CDH8: variants seen among roughly 807,000 people sequenced by gnomAD.
CDH8 encodes cadherin 8.
Under a neutral mutation model 68.1 loss-of-function variants are expected in CDH8, and 17 were observed. That is an observed-to-expected ratio of 0.25 (90% CI 0.17 to 0.37). The LOEUF is 0.37. Among genes scored for constraint, CDH8 ranks in the 10% least tolerant of loss-of-function variants. The pLI is 1.00. For missense variants in CDH8, 763 were observed against 999.3 expected (o/e 0.76, Z 3.19); for synonymous variants, 372 against 365.1 (o/e 1.02, Z -0.21).
intron 10 of CDH8, among the ~76,000 whole-genome samples, chr16:61,706,680 T>C (rs1196555160): frequency 1.4e-5 from 2 of 146,344 alleles, no homozygotes; most frequent in Non-Finnish European, 3.0e-5. Context: ...CCAAAGCATG[T>C]ATAAGGGCAC....
chr16:61,796,340 G>C (rs1961501261), intron 7 of CDH8, among the ~76,000 whole-genome samples: 1 of 151,930 alleles, frequency 6.6e-6, no homozygotes, highest in Non-Finnish European at 1.5e-5. Flanking sequence ...TGGATTTGCT[G>C]CTCATTTGCA....
intron 10 of CDH8, among the ~76,000 whole-genome samples, chr16:61,675,305 T>C (rs1049773012): frequency 2.6e-4 from 40 of 152,064 alleles, no homozygotes; most frequent in African/African-American, 9.2e-4. Flanking sequence ...TGTAGGGACA[T>C]GGATGAAATT....
intron 2 of CDH8, among the ~76,000 whole-genome samples, chr16:61,963,277 C>G (rs1965190494): frequency 6.6e-6 from 1 of 152,150 alleles, no homozygotes; most frequent in South Asian, 2.1e-4. Context: ...TCACCATGAC[C>G]ATCAGTGCAG....
At chr16:62,031,672 C>CCAGAAA (rs1425478976) in intron 1 of CDH8, among the ~76,000 whole-genome samples, 1 of 106,686 alleles carries the variant, frequency 9.4e-6, no homozygotes, top group African/African-American at 4.6e-5. Context: ...ACACACACAC[C>CCAGAAA]CACAAACACA....
chr16:61,918,785 CG>C (rs1421839458), intron 2 of CDH8: 2 of 151,506 alleles, frequency 1.3e-5, no homozygotes, highest in Non-Finnish European at 2.9e-5. Flanking sequence ...ACAAAGCAGC[CG>C]GGAAGCTCCA....
At chr16:61,857,981 C>G (rs1963077933) in intron 3 of CDH8, among the ~76,000 whole-genome samples, 1 of 151,556 alleles carries the variant, frequency 6.6e-6, no homozygotes, top group African/African-American at 2.4e-5. Context: ...AAAGAGCAAC[C>G]AAATCTCTAT....
intron 2 of CDH8, among the ~76,000 whole-genome samples, chr16:61,931,058 T>A (rs1193844874): frequency 1.3e-5 from 2 of 152,212 alleles, no homozygotes; most frequent in Non-Finnish European, 2.9e-5. Context: ...ACTGCAGCAT[T>A]TTCTGTGTAT....
chr16:61,820,710 A>G lies in CDH8; in HGVS notation c.1023+216T>C, dbSNP rs548459941. 2.6e-5 allele frequency among the ~76,000 whole-genome samples: 4 copies of G among 152,034 alleles called. No homozygotes were observed. The East Asian group carries it at 7.8e-4, about 30-fold the overall frequency. ...GGTAAGTTGGAGGACAAGCACTATT[A>G]TGGTAGCTGTTTACTAGACCTTTAG... On this transcript the variant is annotated intron_variant, in intron 6 of 11. Transcript: ENST00000577390.
intron 8 of CDH8, among the ~76,000 whole-genome samples, chr16:61,769,425 C>G (rs1960721842): frequency 6.6e-6 from 1 of 151,832 alleles, no homozygotes; most frequent in South Asian, 2.1e-4. Context: ...AGTACTTTGA[C>G]TAACATTGCA....
chr16:62,019,295 A>G (rs980121987), intron 2 of CDH8, among the ~76,000 whole-genome samples: 1 of 152,234 alleles, frequency 6.6e-6, no homozygotes, highest in African/African-American at 2.4e-5. Context: ...CTAATATGTA[A>G]TAAGGTATAG....
intron 4 of CDH8, among the ~76,000 whole-genome samples, chr16:61,836,991 A>G (rs964343333): frequency 1.3e-5 from 2 of 151,994 alleles, no homozygotes; most frequent in Admixed American, 6.6e-5. Flanking sequence ...CTTTCAAGCC[A>G]ATACCCTCCT....
chr16:61,768,304 G>C (rs1275525823), intron 8 of CDH8, among the ~76,000 whole-genome samples: 6 of 73,734 alleles, frequency 8.1e-5, no homozygotes, highest in Non-Finnish European at 5.8e-5. Flanking sequence ...CTCTCTCTGT[G>C]TCTCTCCCTT....
intron 7 of CDH8, among the ~76,000 whole-genome samples, chr16:61,796,338 C>T (rs1961501199): frequency 1.3e-5 from 2 of 152,020 alleles, no homozygotes; most frequent in African/African-American, 4.8e-5. Context: ...ATTGGATTTG[C>T]TGCTCATTTG....
chr16:61,782,979 G>A (rs1219790183), intron 8 of CDH8, among the ~76,000 whole-genome samples: 1 of 151,236 alleles, frequency 6.6e-6, no homozygotes, highest in African/African-American at 2.4e-5. Flanking sequence ...AAACCACAAA[G>A]ATGGGGAAAA....
At position 61,981,882 on chromosome 16, in the gene CDH8, A is replaced by T. The variant is rs1315213486; in HGVS notation, c.252+39270T>A. On this transcript the variant is annotated intron_variant, in intron 2 of 11. Transcript: ENST00000577390. ...GGTTTTTAAGGTAAAAAGAACAACA[A>T]AATACTTTACAATTCCTTTTTTTCT... is the stretch of plus-strand genomic sequence containing the variant. Among the ~76,000 whole-genome samples the T allele has an allele frequency of 2.6e-5, 4 of 152,168 alleles. No individual in the cohort carries two copies. The East Asian group carries it at 7.7e-4, about 29-fold the overall frequency.
At chr16:61,742,690 T>C in intron 8 of CDH8, among the ~76,000 whole-genome samples, 1 of 152,186 alleles carries the variant, frequency 6.6e-6, no homozygotes, top group East Asian at 1.9e-4. Context: ...TGTAATGTTT[T>C]GGTATATTAG....
At chr16:61,771,412 G>C (rs771049862) in intron 8 of CDH8, among the ~76,000 whole-genome samples, 1 of 136,302 alleles carries the variant, frequency 7.3e-6, no homozygotes, top group Non-Finnish European at 1.5e-5. Flanking sequence ...AACCAGCAAA[G>C]AGATTTGGAT....
chr16:61,687,253 C>CA lies in CDH8; in HGVS notation c.1654+26587dup, dbSNP rs898095851. ...TTCAGTCCTGATCCCACTTCTAAGC[C>CA]AAAAAAAAATCGGTCACAAAGTTCA... On this transcript the variant is annotated intron_variant, in intron 10 of 11. Transcript: ENST00000577390. Among the ~76,000 whole-genome samples the CA allele has an allele frequency of 8.7e-5, 13 of 149,534 alleles. 1 individual carries two copies. In the Middle Eastern group the frequency reaches 0.01, roughly 117 times the overall value.
At chr16:61,796,406 C>T (rs1254521158) in intron 7 of CDH8, among the ~76,000 whole-genome samples, 3 of 151,942 alleles carry the variant, frequency 2.0e-5, no homozygotes, top group African/African-American at 4.8e-5. Flanking sequence ...ATAGCATGCA[C>T]ATTGGAGAGT....
Sources: allele counts gnomAD v4.1 joint callset (sites outside exome capture counted in the v4.1 genomes callset), GRCh38; gene constraint gnomAD v4.1.1; transcripts MANE v1.5; gene names NCBI Gene and HGNC (gene_info 2026-07-23, HGNC 2026-07-21).